PTPRD: variants seen among roughly 807,000 people sequenced by gnomAD.
PTPRD encodes the protein receptor-type tyrosine-protein phosphatase delta.
Under a neutral mutation model 214.5 loss-of-function variants are expected in PTPRD, and 34 were observed. That is an observed-to-expected ratio of 0.16 (90% CI 0.12 to 0.21). The LOEUF is 0.21. PTPRD is among the 10% of genes least tolerant of loss of function. The probability of loss-of-function intolerance (pLI) is 1.00; values close to 1 mark genes in which losing one functional copy is unlikely to be tolerated. For missense variants in PTPRD, 2,545 were observed against 2,398.7 expected, an observed-to-expected ratio of 1.06 and a Z score of -1.27; for synonymous variants, 1,128 against 845.7, an observed-to-expected ratio of 1.33 and a Z score of -5.79.
intron 3 of PTPRD, among the ~76,000 whole-genome samples, chr9:10,104,635 G>T (rs898854930): frequency 8.6e-5 from 13 of 151,664 alleles, no homozygotes; most frequent in African/African-American, 3.1e-4. Flanking sequence ...TTGCTCTCAG[G>T]TATGCTATTT....
chr9:9,300,723 T>C (rs1328769841), intron 9 of PTPRD, among the ~76,000 whole-genome samples: 1 of 151,864 alleles, frequency 6.6e-6, no homozygotes. Context: ...TACCTCATCA[T>C]GCTGTGCCCT....
chr9:9,356,868 A>C (rs2053996806), intron 9 of PTPRD, among the ~76,000 whole-genome samples: 1 of 151,404 alleles, frequency 6.6e-6, no homozygotes. Context: ...TGCTTTGTAT[A>C]AGAGATAAGA....
At chr9:10,586,205 A>G (rs1044443746) in intron 2 of PTPRD, among the ~76,000 whole-genome samples, 16 of 152,194 alleles carry the variant, frequency 1.1e-4, no homozygotes, top group African/African-American at 3.9e-4. Context: ...TGAAAGATAC[A>G]GCAGAGAGAC....
At chr9:8,386,056 A>C (rs751322732) in intron 37 of PTPRD, among the ~76,000 whole-genome samples, 5 of 152,220 alleles carry the variant, frequency 3.3e-5, no homozygotes, top group Admixed American at 2.6e-4. Flanking sequence ...CTTCTTTACC[A>C]AACAATACCA....
At chr9:9,054,893 G>T (rs1053092264) in intron 10 of PTPRD, among the ~76,000 whole-genome samples, 2 of 152,068 alleles carry the variant, frequency 1.3e-5, no homozygotes, top group Admixed American at 6.6e-5. Context: ...AAGAAGACTG[G>T]CAAAAATGTC....
At chr9:8,842,203 A>C (rs1311639481) in intron 11 of PTPRD, among the ~76,000 whole-genome samples, 1 of 152,162 alleles carries the variant, frequency 6.6e-6, no homozygotes, top group Non-Finnish European at 1.5e-5. Flanking sequence ...GAAATTTATA[A>C]TGTGAAAGAA....
In PTPRD at chr9:9,134,295, G is replaced by C. The variant is rs560605139; in HGVS notation, c.-143+49009C>G. On this transcript the variant is annotated intron_variant, in intron 10 of 45. Transcript: ENST00000381196. ...TCACCTTGTTAGCCAGGATGGTCTCGATCTCCTGACCTCATGATCCACCCG... is the reference window on the plus strand; with the variant it reads ...TCACCTTGTTAGCCAGGATGGTCTCCATCTCCTGACCTCATGATCCACCCG... Among the ~76,000 whole-genome samples, 4 of 136,688 alleles carry C rather than the reference G, an allele frequency of 2.9e-5. 1 individual carries two copies. The highest frequency in any genetic ancestry group is 1.3e-4 in the African/African-American group (4 of 30,672). 89.7% of individuals were successfully genotyped at this position (136,688 alleles called of 152,430 possible).
intron 5 of PTPRD, among the ~76,000 whole-genome samples, chr9:9,844,577 A>T (rs548378087): frequency 2.6e-5 from 4 of 152,028 alleles, no homozygotes; most frequent in African/African-American, 4.8e-5. Context: ...AAAGGAATTG[A>T]TATGACATAT....
At chr9:8,913,131 A>T (rs906840083) in intron 11 of PTPRD, among the ~76,000 whole-genome samples, 1 of 139,206 alleles carries the variant, frequency 7.2e-6, no homozygotes, top group African/African-American at 3.4e-5. Flanking sequence ...AATTTTCTTT[A>T]AAAAAAAACT....
rs568724033 is a variant in PTPRD, at chr9:9,849,496, A to G, written c.-367-82645T>C. Among the ~76,000 whole-genome samples, 6 of 152,268 alleles carry G rather than the reference A, an allele frequency of 3.9e-5. No homozygotes were observed. In the South Asian group the frequency reaches 1.2e-3, roughly 32 times the overall value. ...CTATATTCTTAAATTTATATATAGA[A>G]GTCTGATGGTGATGCTATTGTCCAT... On this transcript the variant is annotated intron_variant, in intron 5 of 45. Coordinates refer to ENST00000381196, the MANE Select transcript of PTPRD (RefSeq NM_002839.4).
chr9:9,170,850 T>C (rs1397913932), intron 10 of PTPRD, among the ~76,000 whole-genome samples: 1 of 152,092 alleles, frequency 6.6e-6, no homozygotes, highest in Admixed American at 6.6e-5. Flanking sequence ...GACTGGAGAA[T>C]GAGAGTAGGA....
intron 11 of PTPRD, among the ~76,000 whole-genome samples, chr9:8,856,584 C>G (rs2097919713): frequency 6.6e-6 from 1 of 151,990 alleles, no homozygotes; most frequent in Non-Finnish European, 1.5e-5. Flanking sequence ...GAGAACGAGC[C>G]CTCAGGAATC....
chr9:9,892,386 CA>C (rs994078579), intron 5 of PTPRD, among the ~76,000 whole-genome samples: 5 of 152,016 alleles, frequency 3.3e-5, no homozygotes, highest in African/African-American at 1.2e-4. Flanking sequence ...GACAAAAATG[CA>C]AAAACCCTGA....
intron 4 of PTPRD, among the ~76,000 whole-genome samples, chr9:10,029,654 A>G (rs1355132702): frequency 6.6e-6 from 1 of 152,188 alleles, no homozygotes; most frequent in Non-Finnish European, 1.5e-5. Context: ...CAGTGCCTGT[A>G]TCCCTATTGT....
intron 7 of PTPRD, among the ~76,000 whole-genome samples, chr9:9,625,414 T>G (rs1274609206): frequency 6.6e-6 from 1 of 152,208 alleles, no homozygotes; most frequent in Non-Finnish European, 1.5e-5. Flanking sequence ...GTCTTCGCAC[T>G]GTATTAATAG....
chr9:9,191,830 A>G (rs958684146), intron 9 of PTPRD, among the ~76,000 whole-genome samples: 1 of 152,120 alleles, frequency 6.6e-6, no homozygotes, highest in East Asian at 1.9e-4. Context: ...ATAATTAAAC[A>G]TATACTATTA....
chr9:8,852,885 A>C (rs1347093344), intron 11 of PTPRD, among the ~76,000 whole-genome samples: 1 of 152,230 alleles, frequency 6.6e-6, no homozygotes, highest in Non-Finnish European at 1.5e-5. Context: ...ACAGGAAGAT[A>C]CAGAATTAAT....
intron 9 of PTPRD, among the ~76,000 whole-genome samples, chr9:9,354,380 T>G (rs556872803): frequency 6.6e-6 from 1 of 151,982 alleles, no homozygotes; most frequent in African/African-American, 2.4e-5. Flanking sequence ...TTTTATACAC[T>G]TTTGCAGCTT....
chr9:9,069,304 A>G (rs943435210), intron 10 of PTPRD, among the ~76,000 whole-genome samples: 1 of 152,106 alleles, frequency 6.6e-6, no homozygotes, highest in African/African-American at 2.4e-5. Context: ...CAGTAAATAC[A>G]AAAAAAGTAT....
Sources: allele counts gnomAD v4.1 joint callset (sites outside exome capture counted in the v4.1 genomes callset), GRCh38; gene constraint gnomAD v4.1.1; transcripts MANE v1.5; gene names NCBI Gene and HGNC (gene_info 2026-07-23, HGNC 2026-07-21).